Variants in MAPK14 observed in about 807,000 individuals in gnomAD.
MAPK14 encodes the protein mitogen-activated protein kinase 14.
A neutral mutation model predicts 49.6 loss-of-function variants in MAPK14; 16 were observed. That is an observed-to-expected ratio of 0.32 (90% CI 0.22 to 0.49). The LOEUF is 0.49. Ranked by LOEUF, MAPK14 falls within the 20% of genes least tolerant of loss-of-function variation. The pLI is 0.99. For missense variants in MAPK14, 200 were observed against 441.2 expected (o/e 0.45, Z 4.90); for synonymous variants, 142 against 158.0 (o/e 0.90, Z 0.76).
intron 8 of MAPK14, among the ~76,000 whole-genome samples, chr6:36,082,633 A>G (rs949214547): frequency 1.3e-5 from 2 of 152,150 alleles, no homozygotes; most frequent in Admixed American, 6.5e-5. Flanking sequence ...AACAACCAGC[A>G]TTTGCATGAA....
At chr6:36,043,904 G>C (rs781021116) in intron 1 of MAPK14, among the ~76,000 whole-genome samples, 6 of 141,880 alleles carry the variant, frequency 4.2e-5, no homozygotes, top group Non-Finnish European at 7.5e-5. Flanking sequence ...TCTACCTCCC[G>C]GGTTCAAGCG....
rs70975130 is a variant in MAPK14, at chr6:36,075,225, CAAAAAA to C, written c.496-604_496-599del. 1.3e-3 allele frequency among the ~76,000 whole-genome samples: 83 copies of C among 62,938 alleles called. 2 individuals carry two copies. The East Asian group carries it at 0.039, about 30-fold the overall frequency. 41.3% of individuals were successfully genotyped at this position (62,938 alleles called of 152,430 possible). On this transcript the variant is annotated intron_variant, in intron 6 of 11. Transcript: ENST00000229794. ...TGGGCAACAGAGCAAGACTCCGTCT[CAAAAAA>C]AAAAAAAAAAAAAAAAAAGTTTATT...
At chr6:36,101,590 TC>T (rs913122258) in intron 9 of MAPK14, among the ~76,000 whole-genome samples, 45 of 151,930 alleles carry the variant, frequency 3.0e-4, no homozygotes, top group African/African-American at 1.0e-3. Flanking sequence ...GGCTCAAGCT[TC>T]CTGGGCTCCA....
Position 36,108,600 on chromosome 6 carries a change from G to A in MAPK14, c.*153G>A, listed in dbSNP as rs1373069077. 4.6e-6 allele frequency: 3 copies of A among 650,518 alleles called. No homozygotes were observed. The highest frequency in any genetic ancestry group is 8.4e-6 in the Non-Finnish European group (3 of 357,750). 40.3% of individuals were successfully genotyped at this position (650,518 alleles called of 1,614,324 possible). A position where few individuals can be genotyped will look rare whatever the true frequency, so the allele number is the denominator to read the frequency against. ...TGCGTGTGCGTGCGTGTTAGTGTGTGTGCATGTGTGTGTCTGTCTTTGTGG... is the reference window on the plus strand; with the variant it reads ...TGCGTGTGCGTGCGTGTTAGTGTGTATGCATGTGTGTGTCTGTCTTTGTGG... On this transcript the variant is annotated 3_prime_UTR_variant, in exon 12 of 12. Coordinates refer to ENST00000229794, the MANE Select transcript of MAPK14 (RefSeq NM_139012.3).
At chr6:36,092,031 A>G in intron 8 of MAPK14, 2 of 439,212 alleles carry the variant, frequency 4.6e-6, no homozygotes, top group Non-Finnish European at 8.9e-6. Flanking sequence ...TCACATTTGC[A>G]TGTTTCAGTG....
chr6:36,030,514 C>T (rs1290943591), intron 1 of MAPK14, among the ~76,000 whole-genome samples: 2 of 151,788 alleles, frequency 1.3e-5, no homozygotes, highest in Non-Finnish European at 2.9e-5. Context: ...GGTGAAACCC[C>T]GTCTCTACTA....
chr6:36,100,314 T>C (rs748510758), intron 9 of MAPK14: 1 of 1,394,670 alleles, frequency 7.2e-7, no homozygotes, highest in Non-Finnish European at 1.0e-6. Context: ...AGAAGCCACA[T>C]TCTCATTTTA....
chr6:36,039,683 A>T (rs1015781214), intron 1 of MAPK14, among the ~76,000 whole-genome samples: 10 of 151,944 alleles, frequency 6.6e-5, no homozygotes, highest in African/African-American at 7.3e-5. Context: ...CAGAGATTTT[A>T]AAAAAAAGAA....
At chr6:36,059,801 T>C (rs1446215681) in intron 3 of MAPK14, among the ~76,000 whole-genome samples, 2 of 152,118 alleles carry the variant, frequency 1.3e-5, no homozygotes, top group African/African-American at 2.4e-5. Flanking sequence ...TACAGGCACA[T>C]GCTACCATGC....
intron 1 of MAPK14, among the ~76,000 whole-genome samples, chr6:36,040,367 T>C (rs2237094): frequency 0.12 from 18,140 of 152,194 alleles, 1,623 homozygotes; most frequent in African/African-American, 0.25. Flanking sequence ...TATAACCCTA[T>C]ATATTTGGAT....
chr6:36,084,375 C>T (rs574154969), intron 8 of MAPK14, among the ~76,000 whole-genome samples: 42 of 152,240 alleles, frequency 2.8e-4, no homozygotes, highest in Middle Eastern at 3.4e-3. Context: ...AGTAGACTTC[C>T]GAAGGTGGAT....
At chr6:36,091,506 T>G (rs1208608313) in intron 8 of MAPK14, among the ~76,000 whole-genome samples, 2 of 147,898 alleles carry the variant, frequency 1.4e-5, no homozygotes, top group East Asian at 2.0e-4. Flanking sequence ...AATAACTGAT[T>G]GTCATGATGT....
At chr6:36,092,200 C>A in intron 8 of MAPK14, 1 of 538,402 alleles carries the variant, frequency 1.9e-6, no homozygotes, top group Admixed American at 1.9e-5. Flanking sequence ...TGCGTCATCT[C>A]CGTTAATGAT....
chr6:36,108,640 A>G lies in MAPK14; in HGVS notation c.*193A>G, dbSNP rs1765874886. 3.3e-6 allele frequency: 2 copies of G among 597,506 alleles called. No homozygotes were observed. Among genetic ancestry groups the G allele is most frequent in the Non-Finnish European group, 6.1e-6 (2 of 329,598 alleles). The allele number at this position is 597,506 out of a possible 1,614,324, so 37.0% of individuals were successfully genotyped here. On this transcript the variant is annotated 3_prime_UTR_variant, in exon 12 of 12. Transcript: ENST00000229794. Reference sequence around the variant, plus strand: ...TGTCTTTGTGGGAGGGTAAGACAATATGAACAAACTATGATCACAGTGACT... The same window carrying G: ...TGTCTTTGTGGGAGGGTAAGACAATGTGAACAAACTATGATCACAGTGACT...
At chr6:36,075,744 T>G (rs1450940996) in intron 6 of MAPK14, 104 bp from the exon 7 acceptor site, 2 of 1,516,112 alleles carry the variant, frequency 1.3e-6, no homozygotes, top group African/African-American at 2.7e-5. Flanking sequence ...TTGTTCTCCT[T>G]TTTAATAAGG....
Position 36,103,863 on chromosome 6 carries a change from G to A in MAPK14, c.841+1214G>A, listed in dbSNP as rs57338015. 3.7e-3 allele frequency among the ~76,000 whole-genome samples: 559 copies of A among 152,310 alleles called. 4 individuals are homozygous for A. Among genetic ancestry groups the A allele is most frequent in the African/African-American group, 0.013 (525 of 41,572 alleles). ...TTTTCTTAAGATTGTATTGTGTGGT[G>A]TGTTTTAAAATCTCACTGCATTTCT... On this transcript the variant is annotated intron_variant, in intron 10 of 11. Transcript: ENST00000229794.
At chr6:36,104,882 C>G (rs1765756549) in intron 10 of MAPK14, among the ~76,000 whole-genome samples, 1 of 152,096 alleles carries the variant, frequency 6.6e-6, no homozygotes, top group Non-Finnish European at 1.5e-5. Flanking sequence ...ATAGGTCTTC[C>G]CATTCTTTGA....
intron 8 of MAPK14, among the ~76,000 whole-genome samples, chr6:36,078,521 C>T (rs1764620662): frequency 6.6e-6 from 1 of 152,188 alleles, no homozygotes; most frequent in Admixed American, 6.5e-5. Context: ...CCTGTCTATT[C>T]CCTGACCCTT....
intron 8 of MAPK14, among the ~76,000 whole-genome samples, chr6:36,082,613 G>T (rs917843277): frequency 6.6e-6 from 1 of 152,188 alleles, no homozygotes; most frequent in Non-Finnish European, 1.5e-5. Flanking sequence ...AGAGATGCCA[G>T]ACTCTTTTAA....
Sources: allele counts gnomAD v4.1 joint callset (sites outside exome capture counted in the v4.1 genomes callset), GRCh38; gene constraint gnomAD v4.1.1; transcripts MANE v1.5; gene names NCBI Gene and HGNC (gene_info 2026-07-23, HGNC 2026-07-21).